AGBL1: variants seen among roughly 807,000 people sequenced by gnomAD.
The protein encoded by AGBL1 is cytosolic carboxypeptidase 4.
A neutral mutation model predicts 118.9 loss-of-function variants in AGBL1; 130 were observed. The ratio of observed to expected loss-of-function variants is 1.09; its 90% CI spans 0.95 to 1.26. The LOEUF (loss-of-function observed/expected upper bound fraction) is 1.26. AGBL1 is among the 50% of genes most tolerant of loss of function. The pLI is 0.00. For synonymous variants in AGBL1, 555 were observed against 478.9 expected (o/e 1.16, Z -2.08); for missense variants, 1,584 against 1,298.1 (o/e 1.22, Z -3.38).
At chr15:86,554,681 C>T (rs2083708421) in intron 21 of AGBL1, 144 bp downstream of exon 21, 2 of 780,148 alleles carry the variant, frequency 2.6e-6, no homozygotes, top group East Asian at 3.4e-5. Flanking sequence ...AAAACGGGTT[C>T]AACAATTGCT....
intron 9 of AGBL1, among the ~76,000 whole-genome samples, chr15:86,260,324 C>G (rs1321934119): frequency 6.6e-6 from 1 of 152,124 alleles, no homozygotes; most frequent in Non-Finnish European, 1.5e-5. Context: ...TTGGGACCAG[C>G]CTGTTAGTAA....
At chr15:86,858,838 T>C (rs1402974501) in intron 22 of AGBL1, among the ~76,000 whole-genome samples, 1 of 152,218 alleles carries the variant, frequency 6.6e-6, no homozygotes. Flanking sequence ...GACTACTGCA[T>C]GTGGACTCCA....
intron 18 of AGBL1, among the ~76,000 whole-genome samples, chr15:86,398,883 A>C (rs1287540846): frequency 6.6e-6 from 1 of 152,198 alleles, no homozygotes. Context: ...TACAGACCAT[A>C]AAAATAAAAT....
At chr15:86,348,559 C>T (rs145205482) in intron 17 of AGBL1, among the ~76,000 whole-genome samples, 2 of 152,270 alleles carry the variant, frequency 1.3e-5, no homozygotes, top group African/African-American at 4.8e-5. Flanking sequence ...GCGGGCGGAT[C>T]ATGAGGTCAG....
chr15:86,747,897 G>C (rs1421267311), intron 22 of AGBL1, among the ~76,000 whole-genome samples: 1 of 152,110 alleles, frequency 6.6e-6, no homozygotes, highest in African/African-American at 2.4e-5. Context: ...ATTTGGGTTG[G>C]TTCCAAGTCT....
chr15:86,781,210 T>C (rs1289193880), intron 22 of AGBL1, among the ~76,000 whole-genome samples: 1 of 152,180 alleles, frequency 6.6e-6, no homozygotes, highest in East Asian at 1.9e-4. Flanking sequence ...ATGTTACTGA[T>C]ATGTGTTAAT....
intron 17 of AGBL1, among the ~76,000 whole-genome samples, chr15:86,392,204 A>G (rs1017955337): frequency 6.6e-6 from 1 of 150,498 alleles, no homozygotes; most frequent in African/African-American, 2.4e-5. Flanking sequence ...TCTGTCGTCT[A>G]TTTTTTTTTC....
intron 21 of AGBL1, among the ~76,000 whole-genome samples, chr15:86,616,026 A>C (rs2084716338): frequency 6.6e-6 from 1 of 152,166 alleles, no homozygotes; most frequent in African/African-American, 2.4e-5. Flanking sequence ...TTAGGATAGC[A>C]ATTGTCACAA....
chr15:86,801,043 G>A (rs2141348637), intron 22 of AGBL1, among the ~76,000 whole-genome samples: 1 of 152,104 alleles, frequency 6.6e-6, no homozygotes, highest in South Asian at 2.1e-4. Context: ...TCTCTTCTTA[G>A]CACATCTTTG....
intron 24 of AGBL1, among the ~76,000 whole-genome samples, chr15:87,007,807 T>C (rs967886919): frequency 6.6e-6 from 1 of 152,222 alleles, no homozygotes; most frequent in Non-Finnish European, 1.5e-5. Flanking sequence ...CTCAGATTTC[T>C]CATCTTAAAG....
intron 21 of AGBL1, among the ~76,000 whole-genome samples, chr15:86,558,023 G>C (rs1392062653): frequency 6.6e-6 from 1 of 152,054 alleles, no homozygotes; most frequent in Non-Finnish European, 1.5e-5. Flanking sequence ...ATGCAGGGCT[G>C]AGATCTCTTA....
At chr15:86,765,096 A>T (rs190247435) in intron 22 of AGBL1, among the ~76,000 whole-genome samples, 2 of 151,982 alleles carry the variant, frequency 1.3e-5, no homozygotes, top group Non-Finnish European at 2.9e-5. Flanking sequence ...AACTGCTTCT[A>T]CACCATGTCA....
At chr15:86,776,985 T>C (rs2078265767) in intron 22 of AGBL1, among the ~76,000 whole-genome samples, 2 of 152,040 alleles carry the variant, frequency 1.3e-5, no homozygotes, top group African/African-American at 4.8e-5. Context: ...AATAAGGTTT[T>C]TTTTCTTCTA....
At chr15:86,682,779 G>T (rs1464645648) in intron 22 of AGBL1, among the ~76,000 whole-genome samples, 1 of 151,946 alleles carries the variant, frequency 6.6e-6, no homozygotes, top group Non-Finnish European at 1.5e-5. Context: ...TTATATATAA[G>T]ATAATAATAA....
intron 5 of AGBL1, among the ~76,000 whole-genome samples, chr15:86,222,405 A>T (rs1021660653): frequency 6.6e-6 from 1 of 152,060 alleles, no homozygotes; most frequent in Non-Finnish European, 1.5e-5. Context: ...TAGCCTAACT[A>T]TTCCAGGCCA....
intron 5 of AGBL1, among the ~76,000 whole-genome samples, chr15:86,173,942 A>G (rs1298742489): frequency 6.6e-6 from 1 of 152,094 alleles, no homozygotes; most frequent in African/African-American, 2.4e-5. Flanking sequence ...TTGTGGTTTC[A>G]TATGAATTTT....
Position 86,607,499 on chromosome 15 carries a change from C to G in AGBL1, c.2994+52962C>G, listed in dbSNP as rs185416736. Reference sequence around the variant, plus strand: ...TTTGATTTTGTAGGAAACCACCAAACTGTCTTTCAAAGTGGCTGTGGCATT... The same window carrying G: ...TTTGATTTTGTAGGAAACCACCAAAGTGTCTTTCAAAGTGGCTGTGGCATT... On this transcript the variant is annotated intron_variant, in intron 21 of 22. Transcript: ENST00000614907. Among the ~76,000 whole-genome samples, 5 of 152,288 alleles carry G rather than the reference C, an allele frequency of 3.3e-5. No individual in the cohort carries two copies. In the East Asian group the frequency reaches 9.7e-4, roughly 29 times the overall value.
At chr15:86,967,733 G>A (rs1037474041) in intron 23 of AGBL1, among the ~76,000 whole-genome samples, 1 of 152,082 alleles carries the variant, frequency 6.6e-6, no homozygotes. Flanking sequence ...CTGTAGCCTT[G>A]TAGTATAGTT....
At chr15:86,262,049 A>G (rs1419912790) in intron 9 of AGBL1, among the ~76,000 whole-genome samples, 1 of 111,766 alleles carries the variant, frequency 8.9e-6, no homozygotes, top group Non-Finnish European at 1.9e-5. Context: ...TTCTGCTAAT[A>G]ATTCACTGCT....
Sources: allele counts gnomAD v4.1 joint callset (sites outside exome capture counted in the v4.1 genomes callset), GRCh38; gene constraint gnomAD v4.1.1; transcripts MANE v1.5; gene names NCBI Gene and HGNC (gene_info 2026-07-23, HGNC 2026-07-21).